ATP2B2: variants seen among roughly 807,000 people sequenced by gnomAD.
The protein encoded by ATP2B2 is plasma membrane calcium-transporting ATPase 2.
Under a neutral mutation model 120.0 loss-of-function variants are expected in ATP2B2, and 15 were observed. The ratio of observed to expected loss-of-function variants is 0.12; its 90% CI spans 0.08 to 0.19. The LOEUF (loss-of-function observed/expected upper bound fraction) is 0.19, where lower values mean the gene tolerates loss of function less well. Ranked by LOEUF, ATP2B2 falls within the 10% of genes least tolerant of loss-of-function variation. The pLI is 1.00. For synonymous variants in ATP2B2, 694 were observed against 700.3 expected, an observed-to-expected ratio of 0.99 and a Z score of 0.14; for missense variants, 1,045 against 1,719.8, an observed-to-expected ratio of 0.61 and a Z score of 6.94.
intron 12 of ATP2B2, among the ~76,000 whole-genome samples, chr3:10,362,434 G>C (rs140626018): frequency 6.6e-6 from 1 of 152,348 alleles, no homozygotes; most frequent in Non-Finnish European, 1.5e-5. Flanking sequence ...CAGTGGTCCT[G>C]AGACCTGGGG....
chr3:10,490,444 C>T (rs1400931837), intron 1 of ATP2B2, among the ~76,000 whole-genome samples: 1 of 148,286 alleles, frequency 6.7e-6, no homozygotes. Context: ...CTCTCTGTCG[C>T]ACAGGCTGGA....
intron 1 of ATP2B2, among the ~76,000 whole-genome samples, chr3:10,631,656 C>T (rs569118236): frequency 6.6e-6 from 1 of 152,280 alleles, no homozygotes; most frequent in South Asian, 2.1e-4. Flanking sequence ...CCCAGGCTGG[C>T]CCTGCACAAG....
At chr3:10,494,402 T>C (rs1018260056) in intron 1 of ATP2B2, among the ~76,000 whole-genome samples, 6 of 152,086 alleles carry the variant, frequency 3.9e-5, no homozygotes, top group African/African-American at 7.2e-5. Flanking sequence ...GCACAGGAAG[T>C]TAAGTCATTT....
At chr3:10,619,178 G>A (rs2069478588) in intron 2 of ATP2B2, among the ~76,000 whole-genome samples, 1 of 152,136 alleles carries the variant, frequency 6.6e-6, no homozygotes, top group Admixed American at 6.5e-5. Context: ...CCTAAGACTT[G>A]TTTGTAAACA....
rs555338136 is a variant in ATP2B2, at chr3:10,502,256, G to A, written c.-320+3209C>T. On this transcript the variant is annotated intron_variant, in intron 1 of 22. Transcript: ENST00000360273. ...TGATCCTGATGCCAATCACACCTTC[G>A]TGCACAGCCCTCTACAGTGTCCAGG... Among the ~76,000 whole-genome samples the A allele has an allele frequency of 1.2e-4, 19 of 152,264 alleles. No individual in the cohort carries two copies. In the East Asian group the frequency reaches 1.7e-3, roughly 14 times the overall value.
chr3:10,509,968 G>A (rs985139824), upstream of ATP2B2, among the ~76,000 whole-genome samples: 12 of 152,200 alleles, frequency 7.9e-5, no homozygotes, highest in African/African-American at 2.9e-4. Context: ...CAAGTTAAAG[G>A]AGAATGGCAA....
intron 8 of ATP2B2, among the ~76,000 whole-genome samples, chr3:10,381,975 G>GGGCT (rs35769675): frequency 0.54 from 81,479 of 151,498 alleles, 23,816 homozygotes; most frequent in East Asian, 0.98. Flanking sequence ...TCTGTGAAAT[G>GGGCT]GATATCAACT....
chr3:10,656,802 T>G (rs2070641180), intron 1 of ATP2B2, among the ~76,000 whole-genome samples: 1 of 152,200 alleles, frequency 6.6e-6, no homozygotes, highest in South Asian at 2.1e-4. Context: ...TGGCATAAAC[T>G]GAGACCTCAA....
intron 12 of ATP2B2, among the ~76,000 whole-genome samples, chr3:10,370,461 C>A (rs372709632): frequency 3.8e-4 from 58 of 152,368 alleles, no homozygotes; most frequent in African/African-American, 1.3e-3. Context: ...AAAACGTCGT[C>A]ATGTTTGGCA....
At chr3:10,492,252 T>G (rs2065962256) in intron 1 of ATP2B2, among the ~76,000 whole-genome samples, 3 of 149,316 alleles carry the variant, frequency 2.0e-5, no homozygotes, top group East Asian at 2.0e-4. Flanking sequence ...TTTCGGGGGG[T>G]GGGGCAGGTA....
chr3:10,486,320 C>CATGCGT (rs1553616037), intron 1 of ATP2B2, among the ~76,000 whole-genome samples: 11 of 115,816 alleles, frequency 9.5e-5, no homozygotes, highest in African/African-American at 3.1e-4. Context: ...GGTGTGTGTG[C>CATGCGT]GTGCGTGTGT....
intron 2 of ATP2B2, among the ~76,000 whole-genome samples, chr3:10,534,773 T>C (rs2067275836): frequency 6.6e-6 from 1 of 152,056 alleles, no homozygotes; most frequent in African/African-American, 2.4e-5. Flanking sequence ...AAATATAATA[T>C]GCATAAGTGC....
At chr3:10,685,590 A>T (rs1257298757) in intron 1 of ATP2B2, among the ~76,000 whole-genome samples, 1 of 152,188 alleles carries the variant, frequency 6.6e-6, no homozygotes, top group Non-Finnish European at 1.5e-5. Flanking sequence ...AGAGAAGAAG[A>T]GGGGGCTTCT....
In ATP2B2 at chr3:10,496,680, C is replaced by T. The variant is rs569507234; in HGVS notation, c.-320+8785G>A. Among the ~76,000 whole-genome samples, 683 of 152,266 alleles carry T rather than the reference C, an allele frequency of 4.5e-3. 6 individuals are homozygous for T. The highest frequency in any genetic ancestry group is 7.8e-3 in the Non-Finnish European group (532 of 68,030). ...CAGACACTAGCTCCACCCCTCCAAC[C>T]CCGCCCCTTCCCCCGTGACCTGGAC... On this transcript the variant is annotated intron_variant, in intron 1 of 22. Transcript: ENST00000360273.
rs548574876 is a variant in ATP2B2 at position 10,590,126 on chromosome 3, T to C, written c.-415+29791A>G. ...AGCAAGGGACTATGATACATGCAAT[T>C]GGATCTCCAGCCACTGTGTTGACAG... On this transcript the variant is annotated intron_variant, in intron 2 of 21. Transcript: ENST00000646379. Among the ~76,000 whole-genome samples the C allele has an allele frequency of 3.9e-5, 6 of 152,346 alleles. No homozygotes were observed. In the South Asian group the frequency reaches 1.2e-3, roughly 32 times the overall value.
At chr3:10,351,801 C>T (rs886536437) in intron 14 of ATP2B2, among the ~76,000 whole-genome samples, 4 of 152,202 alleles carry the variant, frequency 2.6e-5, no homozygotes, top group South Asian at 2.1e-4. Context: ...ATGCAGAAAT[C>T]GGGGTGCTGC....
intron 2 of ATP2B2, among the ~76,000 whole-genome samples, chr3:10,588,441 A>G (rs1405282940): frequency 6.6e-6 from 1 of 152,206 alleles, no homozygotes; most frequent in East Asian, 1.9e-4. Context: ...CCACATCCCT[A>G]GATGCCTTCT....
At chr3:10,612,952 G>C (rs547824791) in intron 2 of ATP2B2, among the ~76,000 whole-genome samples, 1 of 152,334 alleles carries the variant, frequency 6.6e-6, no homozygotes, top group African/African-American at 2.4e-5. Flanking sequence ...TATGCTAAGA[G>C]ATGAGATGAG....
chr3:10,506,695 C>T (rs532924788), upstream of ATP2B2, among the ~76,000 whole-genome samples: 1 of 152,218 alleles, frequency 6.6e-6, no homozygotes, highest in African/African-American at 2.4e-5. Flanking sequence ...GAAGGACCTT[C>T]AGGACCAGTG....
Sources: allele counts gnomAD v4.1 joint callset (sites outside exome capture counted in the v4.1 genomes callset), GRCh38; gene constraint gnomAD v4.1.1; transcripts MANE v1.5; gene names NCBI Gene and HGNC (gene_info 2026-07-23, HGNC 2026-07-21).